Variants in STARD13 observed in about 807,000 individuals in gnomAD.
The protein encoded by STARD13 is StAR related lipid transfer domain containing 13, also known as stAR-related lipid transfer protein 13.
Under a neutral mutation model 106.4 loss-of-function variants are expected in STARD13, and 62 were observed. The observed-to-expected ratio is 0.58, with a 90% CI of 0.48 to 0.72. The LOEUF (loss-of-function observed/expected upper bound fraction) is 0.72, where lower values mean the gene tolerates loss of function less well. Ranked by LOEUF, STARD13 falls within the 30% of genes least tolerant of loss-of-function variation. The probability of loss-of-function intolerance (pLI) is 0.00; values close to 1 mark genes in which losing one functional copy is unlikely to be tolerated. For synonymous variants in STARD13, 565 were observed against 553.0 expected, an observed-to-expected ratio of 1.02 and a Z score of -0.31; for missense variants, 1,387 against 1,424.0, an observed-to-expected ratio of 0.97 and a Z score of 0.42.
At chr13:33,642,855 A>C in the STARD13 span, among the ~76,000 whole-genome samples, 14 of 151,766 alleles carry the variant, frequency 9.2e-5, no homozygotes, top group Non-Finnish European at 1.9e-4. Flanking sequence ...AAAAAAAAAA[A>C]AAACCTCCCT....
chr13:33,223,782 C>G (rs992852059), intron 1 of STARD13, among the ~76,000 whole-genome samples: 2 of 151,992 alleles, frequency 1.3e-5, no homozygotes, highest in Non-Finnish European at 2.9e-5. Flanking sequence ...TACTTAGTTT[C>G]TTTGTGCTTC....
intron 1 of STARD13, among the ~76,000 whole-genome samples, chr13:33,197,019 C>A (rs887404418): frequency 6.6e-6 from 1 of 152,148 alleles, no homozygotes; most frequent in Non-Finnish European, 1.5e-5. Flanking sequence ...GAGTACTGCT[C>A]AAGATTTTGT....
chr13:33,619,703 C>A, the STARD13 span, among the ~76,000 whole-genome samples: 1 of 151,964 alleles, frequency 6.6e-6, no homozygotes, highest in Non-Finnish European at 1.5e-5. Flanking sequence ...ATAGATGGGA[C>A]AAATGTAAAA....
downstream of STARD13, among the ~76,000 whole-genome samples, chr13:33,346,042 T>C (rs2138610395): frequency 6.6e-6 from 1 of 152,366 alleles, no homozygotes; most frequent in Non-Finnish European, 1.5e-5. Context: ...ATGTCACTTC[T>C]GAGATCAGGT....
At chr13:33,499,587 T>C in the STARD13 span, among the ~76,000 whole-genome samples, 2 of 67,518 alleles carry the variant, frequency 3.0e-5, no homozygotes, top group South Asian at 5.8e-4. Context: ...TTCTTCTTCT[T>C]CTTCTTCTTC....
intron 1 of STARD13, among the ~76,000 whole-genome samples, chr13:33,317,954 A>T (rs1594256086): frequency 6.6e-6 from 1 of 152,202 alleles, no homozygotes; most frequent in Non-Finnish European, 1.5e-5. Context: ...CCCAAGAACT[A>T]ACTTGCTCAA....
Position 33,194,426 on chromosome 13 carries a change from TA to T in STARD13, c.170-26805del, listed in dbSNP as rs1035436099. ...TTAAAAAAATATTTTGACTGAATCTTAAAAAAAAATCCCTGATTTACATTAT... is the reference window on the plus strand; with the variant it reads ...TTAAAAAAATATTTTGACTGAATCTTAAAAAAAATCCCTGATTTACATTAT... On this transcript the variant is annotated intron_variant, in intron 1 of 13. Coordinates refer to ENST00000336934, the MANE Select transcript of STARD13 (RefSeq NM_178006.4). Among the ~76,000 whole-genome samples, 8 of 151,740 alleles carry T rather than the reference TA, an allele frequency of 5.3e-5. No individual in the cohort carries two copies. In the East Asian group the frequency reaches 5.8e-4, roughly 11 times the overall value.
intron 1 of STARD13, among the ~76,000 whole-genome samples, chr13:33,185,283 C>G (rs1211168920): frequency 6.6e-6 from 1 of 152,212 alleles, no homozygotes; most frequent in Non-Finnish European, 1.5e-5. Flanking sequence ...AAGGAAGAAT[C>G]TCTGCTCAGC....
chr13:33,516,541 C>A, the STARD13 span, among the ~76,000 whole-genome samples: 1 of 151,886 alleles, frequency 6.6e-6, no homozygotes, highest in Non-Finnish European at 1.5e-5. Flanking sequence ...TTAATTTTTT[C>A]TCATTATTCT....
At chr13:33,521,962 T>C in the STARD13 span, among the ~76,000 whole-genome samples, 1 of 152,128 alleles carries the variant, frequency 6.6e-6, no homozygotes, top group African/African-American at 2.4e-5. Context: ...GTTATAGCAT[T>C]AAACTAAAGA....
chr13:33,385,238 T>G, the STARD13 span, among the ~76,000 whole-genome samples: 1 of 124,004 alleles, frequency 8.1e-6, no homozygotes, highest in Non-Finnish European at 1.6e-5. Context: ...TATATATATA[T>G]ATATATATAT....
At chr13:33,499,519 TTTCTTCTTC>T in the STARD13 span, among the ~76,000 whole-genome samples, 282 of 91,700 alleles carry the variant, frequency 3.1e-3, 1 homozygote, top group Non-Finnish European at 4.5e-3. Flanking sequence ...TTCTTCTTTC[TTTCTTCTTC>T]TTCTTCTTCT....
At chr13:33,319,575 A>G (rs1893476804) in intron 1 of STARD13, among the ~76,000 whole-genome samples, 1 of 152,244 alleles carries the variant, frequency 6.6e-6, no homozygotes, top group Admixed American at 6.5e-5. Flanking sequence ...TGATTTTAAC[A>G]GTAAGTTAAA....
chr13:33,328,122 AGT>A (rs1262489765), intron 1 of STARD13, among the ~76,000 whole-genome samples: 21 of 152,242 alleles, frequency 1.4e-4, no homozygotes, highest in Non-Finnish European at 2.9e-4. Flanking sequence ...AATATACTTG[AGT>A]GTGAAAATTG....
At chr13:33,156,189 T>A (rs762273710) in intron 3 of STARD13, among the ~76,000 whole-genome samples, 1 of 152,184 alleles carries the variant, frequency 6.6e-6, no homozygotes, top group African/African-American at 2.4e-5. Context: ...TTCCGAAAAC[T>A]GCCCATCAAT....
chr13:33,484,682 C>T, the STARD13 span, among the ~76,000 whole-genome samples: 1 of 152,148 alleles, frequency 6.6e-6, no homozygotes, highest in African/African-American at 2.4e-5. Context: ...TCCCATTTAG[C>T]TGGTTCTATG....
intron 1 of STARD13, among the ~76,000 whole-genome samples, chr13:33,174,342 C>T (rs1421429848): frequency 6.6e-6 from 1 of 152,020 alleles, no homozygotes; most frequent in Non-Finnish European, 1.5e-5. Flanking sequence ...CACAGTGACG[C>T]CCTGCCCTTT....
At chr13:33,346,269 G>A (rs892125520), downstream of STARD13, among the ~76,000 whole-genome samples, 13 of 152,102 alleles carry the variant, frequency 8.5e-5, no homozygotes, top group Non-Finnish European at 1.8e-4. Flanking sequence ...CAGCTTGAAG[G>A]CCATCTTATG....
intron 3 of STARD13, among the ~76,000 whole-genome samples, chr13:33,163,435 C>G (rs570377438): frequency 6.6e-6 from 1 of 151,018 alleles, no homozygotes; most frequent in African/African-American, 2.4e-5. Flanking sequence ...GCTAAAAATA[C>G]CAAAATTAGC....
Sources: allele counts gnomAD v4.1 joint callset (sites outside exome capture counted in the v4.1 genomes callset), GRCh38; gene constraint gnomAD v4.1.1; transcripts MANE v1.5; gene names NCBI Gene and HGNC (gene_info 2026-07-23, HGNC 2026-07-21).